FAT3: variants seen among roughly 807,000 people sequenced by gnomAD.
The protein encoded by FAT3 is protocadherin Fat 3.
Under a neutral mutation model 310.2 loss-of-function variants are expected in FAT3, and 95 were observed. The observed-to-expected ratio is 0.31, with a 90% CI of 0.26 to 0.36. The LOEUF is 0.36. FAT3 is among the 10% of genes least tolerant of loss of function. FAT3 has a pLI of 1.00. For synonymous variants in FAT3, 2,314 were observed against 2,192.9 expected (o/e 1.06, Z -1.54); for missense variants, 5,408 against 5,715.6 (o/e 0.95, Z 1.74).
intron 1 of FAT3, among the ~76,000 whole-genome samples, chr11:92,339,471 A>G (rs977214448): frequency 6.6e-6 from 1 of 152,218 alleles, no homozygotes; most frequent in African/African-American, 2.4e-5. Context: ...GTCCAAAGAG[A>G]AAGTGCCTTT....
At chr11:92,475,031 C>A (rs1952010749) in intron 2 of FAT3, among the ~76,000 whole-genome samples, 1 of 152,166 alleles carries the variant, frequency 6.6e-6, no homozygotes, top group Non-Finnish European at 1.5e-5. Context: ...AAATATTTCT[C>A]CTTTCTTCGT....
Position 92,886,856 on chromosome 11 carries a change from A to G in FAT3, c.12938-144A>G, listed in dbSNP as rs189988750. 61 of 661,196 alleles carry G rather than the reference A, an allele frequency of 9.2e-5. 1 individual carries two copies. Among genetic ancestry groups the G allele is most frequent in the South Asian group, 4.1e-4 (21 of 51,156 alleles). The allele number at this position is 661,196 out of a possible 1,614,324, so 41.0% of individuals were successfully genotyped here. On this transcript the variant is annotated intron_variant, in intron 24 of 27. Coordinates refer to ENST00000525166, the MANE Select transcript of FAT3 (RefSeq NM_001367949.2). ...AACTTTGCCCCCAGTGGCACAGTCAATTTTCTACTGTGGAGCTAAATTATT... is the reference window on the plus strand; with the variant it reads ...AACTTTGCCCCCAGTGGCACAGTCAGTTTTCTACTGTGGAGCTAAATTATT...
At chr11:92,835,724 C>CT (rs752333625) in intron 15 of FAT3, among the ~76,000 whole-genome samples, 4 of 152,252 alleles carry the variant, frequency 2.6e-5, no homozygotes, top group Admixed American at 6.5e-5. Context: ...CCCTGTCCCC[C>CT]TTTCCCCCTA....
At chr11:92,672,314 T>A (rs1943154564) in intron 3 of FAT3, among the ~76,000 whole-genome samples, 1 of 152,182 alleles carries the variant, frequency 6.6e-6, no homozygotes, top group Non-Finnish European at 1.5e-5. Context: ...GAGTCAGGCA[T>A]CCATCCACAT....
At chr11:92,370,460 A>C (rs1398947958) in intron 2 of FAT3, among the ~76,000 whole-genome samples, 1 of 152,226 alleles carries the variant, frequency 6.6e-6, no homozygotes, top group African/African-American at 2.4e-5. Flanking sequence ...CCTCATACGT[A>C]TCACACATCT....
intron 1 of FAT3, among the ~76,000 whole-genome samples, chr11:92,247,725 GT>G (rs139681837): frequency 0.36 from 50,501 of 141,444 alleles, 8,661 homozygotes; most frequent in South Asian, 0.49. Context: ...AGGTTCACCT[GT>G]TTTTTTTTTT....
intron 13 of FAT3, among the ~76,000 whole-genome samples, chr11:92,820,198 T>A (rs1947925964): frequency 2.0e-5 from 3 of 152,218 alleles, no homozygotes; most frequent in Admixed American, 2.0e-4. Context: ...TTCTGGAGTC[T>A]GGGAATTTAA....
At chr11:92,524,459 C>T (rs552279996) in intron 2 of FAT3, among the ~76,000 whole-genome samples, 175 bp from the exon 3 acceptor site, 1 of 152,234 alleles carries the variant, frequency 6.6e-6, no homozygotes, top group South Asian at 2.1e-4. Flanking sequence ...TTAATCTGGT[C>T]CTGCTGAAAA....
rs149603057 is a variant in FAT3 at position 92,337,683 on chromosome 11, C to T, written c.-17-14413C>T. Among the ~76,000 whole-genome samples the T allele has an allele frequency of 1.3e-3, 194 of 152,322 alleles. 1 individual carries two copies. The highest frequency in any genetic ancestry group is 4.3e-3 in the African/African-American group (180 of 41,558). On this transcript the variant is annotated intron_variant, in intron 1 of 27. Coordinates refer to ENST00000525166, the MANE Select transcript of FAT3 (RefSeq NM_001367949.2). The stretch of plus-strand genomic sequence containing the variant: ...CTGACCTCAGGTGATCCATATGCCT[C>T]GGCCTCCCAAAGTGCTGGATTACAG...
intron 2 of FAT3, among the ~76,000 whole-genome samples, chr11:92,467,550 C>T (rs1362129134): frequency 1.3e-5 from 2 of 152,096 alleles, no homozygotes; most frequent in Non-Finnish European, 2.9e-5. Context: ...TGGGCCTATA[C>T]ATAATTTAAA....
chr11:92,799,578 C>G lies in FAT3; in HGVS notation c.6565C>G (p.Pro2189Ala), dbSNP rs1017792032. Reference sequence around the variant, plus strand: ...CAAAGCAATGCCTGTGTTTGATAAGCCCTTTTATACAGCATCTGTCAATGA... The same window carrying G: ...CAAAGCAATGCCTGTGTTTGATAAGGCCTTTTATACAGCATCTGTCAATGA... ...VNKAMPVFDK[P>A]FYTASVNEDI... The change falls in exon 10 of 28, where the codon CCC becomes GCC. Residue 2189 changes from proline to alanine, a missense_variant. By Grantham distance (27) the Pro-to-Ala change is conservative (BLOSUM62 -1). Coordinates refer to ENST00000525166, the MANE Select transcript of FAT3 (RefSeq NM_001367949.2). 6.2e-7 allele frequency: 1 copy of G among 1,613,746 alleles called. No homozygotes were observed. Among genetic ancestry groups the G allele is most frequent in the South Asian group, 1.1e-5 (1 of 91,038 alleles).
intron 3 of FAT3, among the ~76,000 whole-genome samples, chr11:92,614,975 T>A (rs1202027521): frequency 6.6e-6 from 1 of 152,220 alleles, no homozygotes; most frequent in African/African-American, 2.4e-5. Flanking sequence ...TATATTCCAT[T>A]CCTGCTGAAT....
intron 16 of FAT3, 79 bp from the exon 17 acceptor site, chr11:92,837,584 T>C (rs991615339): frequency 6.5e-7 from 1 of 1,539,950 alleles, no homozygotes; most frequent in Non-Finnish European, 8.8e-7. Flanking sequence ...GCACAGCCTG[T>C]AGCTCCAGTT....
intron 3 of FAT3, among the ~76,000 whole-genome samples, chr11:92,691,299 T>C (rs1943792397): frequency 6.6e-6 from 1 of 152,192 alleles, no homozygotes; most frequent in Non-Finnish European, 1.5e-5. Flanking sequence ...TCCTGGCCCC[T>C]AGACAGATGA....
intron 4 of FAT3, among the ~76,000 whole-genome samples, chr11:92,725,261 T>C (rs1177409322): frequency 6.6e-6 from 1 of 152,152 alleles, no homozygotes; most frequent in Non-Finnish European, 1.5e-5. Context: ...GGGGACTGAA[T>C]GCTGAGGGCC....
Position 92,518,300 on chromosome 11 carries a change from G to T in FAT3, c.3293-6334G>T, listed in dbSNP as rs185408975. Among the ~76,000 whole-genome samples the T allele has an allele frequency of 1.7e-4, 26 of 152,242 alleles. No homozygotes were observed. The East Asian group carries it at 4.8e-3, about 28-fold the overall frequency. ...CAATGATAGACTGGTTAAAGAACGT[G>T]TGACACATATACACCATGGAATACT... On this transcript the variant is annotated intron_variant, in intron 2 of 27. Coordinates refer to ENST00000525166, the MANE Select transcript of FAT3 (RefSeq NM_001367949.2).
At chr11:92,845,518 A>G (rs3843605) in intron 19 of FAT3, among the ~76,000 whole-genome samples, 126,296 of 152,156 alleles carry the variant, frequency 0.83, 52,701 homozygotes, top group African/African-American at 0.9. Context: ...GGAATGGTTC[A>G]TGTTTGTTGA....
At chr11:92,290,678 C>T (rs538639996) in intron 1 of FAT3, among the ~76,000 whole-genome samples, 5 of 151,698 alleles carry the variant, frequency 3.3e-5, no homozygotes, top group East Asian at 2.0e-4. Context: ...GCAGGAGAAT[C>T]GCTTGAACCT....
intron 3 of FAT3, among the ~76,000 whole-genome samples, chr11:92,562,579 G>A (rs1231571579): frequency 8.5e-5 from 13 of 152,100 alleles, no homozygotes; most frequent in Non-Finnish European, 1.8e-4. Context: ...CAATGATGGA[G>A]GATAAGAAGT....
Sources: allele counts gnomAD v4.1 joint callset (sites outside exome capture counted in the v4.1 genomes callset), GRCh38; gene constraint gnomAD v4.1.1; transcripts MANE v1.5; gene names NCBI Gene and HGNC (gene_info 2026-07-23, HGNC 2026-07-21).